Variants in GAB1 observed in about 807,000 individuals in gnomAD.
The protein encoded by GAB1 is GRB2-associated-binding protein 1.
In GAB1, 19 loss-of-function variants were observed where a neutral mutation model predicts 66.5. The observed-to-expected ratio is 0.29, with a 90% confidence interval of 0.20 to 0.42. The LOEUF is 0.42. Ranked by LOEUF, GAB1 falls within the 10% of genes least tolerant of loss-of-function variation. GAB1 has a pLI of 1.00. For missense variants in GAB1, 732 were observed against 858.5 expected, an observed-to-expected ratio of 0.85 and a Z score of 1.84; for synonymous variants, 294 against 301.4, an observed-to-expected ratio of 0.98 and a Z score of 0.25.
At chr4:143,396,626 A>C (rs888679305) in intron 1 of GAB1, among the ~76,000 whole-genome samples, 14 of 152,198 alleles carry the variant, frequency 9.2e-5, no homozygotes, top group South Asian at 2.1e-4. Context: ...AGTCATATAT[A>C]AGCATATTAT....
chr4:143,389,944 CTTTA>C (rs1423960034), intron 1 of GAB1, among the ~76,000 whole-genome samples: 2 of 152,160 alleles, frequency 1.3e-5, no homozygotes, highest in African/African-American at 2.4e-5. Context: ...CTGGATTTAG[CTTTA>C]AAAGTTTGGG....
intron 6 of GAB1, among the ~76,000 whole-genome samples, chr4:143,456,186 G>T (rs1050271147): frequency 1.3e-5 from 2 of 152,122 alleles, no homozygotes; most frequent in African/African-American, 4.8e-5. Context: ...AGCCGGGCGC[G>T]GTGGCTTACG....
At chr4:143,430,206 A>G (rs1195450077) in intron 2 of GAB1, among the ~76,000 whole-genome samples, 1 of 152,226 alleles carries the variant, frequency 6.6e-6, no homozygotes, top group African/African-American at 2.4e-5. Context: ...AAGAGGATCA[A>G]AACAAGACAA....
intron 1 of GAB1, 70 bp downstream of exon 1, chr4:143,337,330 G>C: frequency 7.6e-7 from 1 of 1,307,962 alleles, no homozygotes; most frequent in Non-Finnish European, 1.1e-6. Context: ...GCTCGCCGGC[G>C]GCTGCAGCTG....
intron 1 of GAB1, among the ~76,000 whole-genome samples, chr4:143,413,499 T>A (rs1732503546): frequency 6.6e-6 from 1 of 152,182 alleles, no homozygotes; most frequent in South Asian, 2.1e-4. Context: ...TAATTTAAAA[T>A]GTTGATGATT....
intron 1 of GAB1, among the ~76,000 whole-genome samples, chr4:143,410,837 T>C (rs1488134066): frequency 6.6e-6 from 1 of 152,168 alleles, no homozygotes; most frequent in Non-Finnish European, 1.5e-5. Context: ...ATTGCGTATT[T>C]AGCAGACATT....
chr4:143,360,246 A>G (rs1371953943), intron 1 of GAB1, among the ~76,000 whole-genome samples: 1 of 152,230 alleles, frequency 6.6e-6, no homozygotes, highest in Non-Finnish European at 1.5e-5. Flanking sequence ...AATTTTAAAA[A>G]ACCGGAATTC....
chr4:143,454,936 C>T (rs1208027479), intron 6 of GAB1, among the ~76,000 whole-genome samples: 1 of 151,674 alleles, frequency 6.6e-6, no homozygotes. Flanking sequence ...GTTTTTCTTC[C>T]CAAACAGGTT....
intron 2 of GAB1, among the ~76,000 whole-genome samples, chr4:143,423,455 T>G (rs1176360232): frequency 3.9e-5 from 6 of 152,088 alleles, no homozygotes; most frequent in Admixed American, 3.9e-4. Flanking sequence ...CCCAGCACTT[T>G]GGGAGGCTGA....
chr4:143,339,689 A>G (rs1010525081), intron 1 of GAB1, among the ~76,000 whole-genome samples: 9 of 152,210 alleles, frequency 5.9e-5, no homozygotes, highest in African/African-American at 1.9e-4. Context: ...CGAGACAAGT[A>G]TATGTGAAAA....
At chr4:143,365,986 TTTCA>T (rs1729867990) in intron 1 of GAB1, among the ~76,000 whole-genome samples, 1 of 152,190 alleles carries the variant, frequency 6.6e-6, no homozygotes, top group Non-Finnish European at 1.5e-5. Context: ...TTAAAATGAA[TTTCA>T]TTCATCCAAC....
At chr4:143,426,407 C>T (rs1733359798) in intron 2 of GAB1, among the ~76,000 whole-genome samples, 2 of 151,910 alleles carry the variant, frequency 1.3e-5, no homozygotes, top group South Asian at 2.1e-4. Context: ...AAAAATTAAC[C>T]AGATGTGGTA....
At chr4:143,457,774 G>A (rs200555007) in intron 6 of GAB1, 2 of 1,493,172 alleles carry the variant, frequency 1.3e-6, no homozygotes, top group African/African-American at 1.4e-5. Context: ...GAAAGGGTAT[G>A]TACTTTAGCA....
rs1736075377 is a variant in GAB1 at position 143,471,397 on chromosome 4, G to A, written c.*2208G>A. 1 of 152,140 alleles carries A rather than the reference G, an allele frequency of 6.6e-6. No individual in the cohort carries two copies. Among genetic ancestry groups the A allele is most frequent in the African/African-American group, 2.4e-5 (1 of 41,442 alleles). The allele number at this position is 152,140 out of a possible 1,614,324, so 9.4% of individuals were successfully genotyped here. On this transcript the variant is annotated 3_prime_UTR_variant, in exon 10 of 10. Transcript: ENST00000262994. ...AATTAAATTAAAAGTTTCTTACAGA[G>A]CAGTATTTTCCAAACATTTTTAGCA... is the stretch of plus-strand genomic sequence containing the variant.
At chr4:143,376,457 G>T (rs1376130447) in intron 1 of GAB1, among the ~76,000 whole-genome samples, 1 of 152,336 alleles carries the variant, frequency 6.6e-6, no homozygotes, top group African/African-American at 2.4e-5. Flanking sequence ...GTATCGCCCT[G>T]TGGAGCTATC....
rs766357714 is a variant in GAB1, at chr4:143,473,549, C to T, written c.*4360C>T. On this transcript the variant is annotated 3_prime_UTR_variant, in exon 10 of 10. Transcript: ENST00000262994. ...AAATAGAAAAAGCTCCCTGGAAAAACTCTGTTGCCACATGCACGTGCCCTG... is the reference window on the plus strand; with the variant it reads ...AAATAGAAAAAGCTCCCTGGAAAAATTCTGTTGCCACATGCACGTGCCCTG... The T allele has an allele frequency of 6.6e-6, 1 of 152,172 alleles. No individual in the cohort carries two copies. The highest frequency in any genetic ancestry group is 1.5e-5 in the Non-Finnish European group (1 of 68,028). 9.4% of individuals were successfully genotyped at this position (152,172 alleles called of 1,614,324 possible).
intron 1 of GAB1, among the ~76,000 whole-genome samples, chr4:143,382,598 G>T (rs1009172150): frequency 6.6e-6 from 1 of 152,138 alleles, no homozygotes; most frequent in African/African-American, 2.4e-5. Context: ...TCTGTTAGGA[G>T]GTTCCATCAT....
Position 143,460,349 on chromosome 4 carries a change from A to C in GAB1, c.1680-15A>C. ...TGTCAAGGCTTATGTTTGTGATGATAATTTCTGTAATTAGCTCTTCCAGGT... is the reference window on the plus strand; with the variant it reads ...TGTCAAGGCTTATGTTTGTGATGATCATTTCTGTAATTAGCTCTTCCAGGT... On this transcript the variant is annotated splice_polypyrimidine_tract_variant and intron_variant, in intron 7 of 9. Transcript: ENST00000262994. 6.2e-7 allele frequency: 1 copy of C among 1,612,908 alleles called. No homozygotes were observed. Among genetic ancestry groups the C allele is most frequent in the Non-Finnish European group, 8.5e-7 (1 of 1,179,216 alleles).
At chr4:143,449,574 TG>T (rs1263840990) in intron 6 of GAB1, among the ~76,000 whole-genome samples, 4 of 152,324 alleles carry the variant, frequency 2.6e-5, no homozygotes, top group African/African-American at 9.6e-5. Context: ...TGATCTTTGT[TG>T]GTTTAAAGTC....
Sources: gnomAD v4.1 joint callset for allele counts (sites outside exome capture counted in the v4.1 genomes callset) on GRCh38, gnomAD v4.1.1 for gene constraint, MANE v1.5 for transcripts, NCBI Gene and HGNC (gene_info 2026-07-23, HGNC 2026-07-21) for gene names.